Variants in HS3ST3B1 observed in about 807,000 individuals in gnomAD.
HS3ST3B1 encodes heparan sulfate-glucosamine 3-sulfotransferase 3B1, also known as heparan sulfate glucosamine 3-O-sulfotransferase 3B1.
In HS3ST3B1, 13 loss-of-function variants were observed where a neutral mutation model predicts 21.3. The observed-to-expected ratio is 0.61, with a 90% confidence interval of 0.40 to 0.97. The LOEUF (loss-of-function observed/expected upper bound fraction) is 0.97. Among genes scored for constraint, HS3ST3B1 ranks in the 50% least tolerant of loss-of-function variants. The probability of loss-of-function intolerance (pLI) is 0.00; values close to 1 mark genes in which losing one functional copy is unlikely to be tolerated. For synonymous variants in HS3ST3B1, 234 were observed against 254.8 expected, an observed-to-expected ratio of 0.92 and a Z score of 0.78; for missense variants, 459 against 554.8, an observed-to-expected ratio of 0.83 and a Z score of 1.73.
intron 1 of HS3ST3B1, among the ~76,000 whole-genome samples, chr17:14,307,449 T>C (rs1225437205): frequency 1.3e-5 from 2 of 151,976 alleles, no homozygotes; most frequent in African/African-American, 4.8e-5. Flanking sequence ...GAAAAGTCAA[T>C]ATGTCATATA....
intron 1 of HS3ST3B1, among the ~76,000 whole-genome samples, chr17:14,319,796 A>G (rs1193783400): frequency 1.3e-5 from 2 of 151,806 alleles, no homozygotes; most frequent in Admixed American, 1.3e-4. Flanking sequence ...TTTTATTTCA[A>G]TAGTTTTTGG....
At chr17:14,312,642 A>G (rs1004210336) in intron 1 of HS3ST3B1, among the ~76,000 whole-genome samples, 1 of 149,112 alleles carries the variant, frequency 6.7e-6, no homozygotes, top group African/African-American at 2.6e-5. Context: ...ACATCTGTGC[A>G]TTTGACTCCC....
At chr17:14,321,521 TGGGTC>T (rs1470779069) in intron 1 of HS3ST3B1, among the ~76,000 whole-genome samples, 1 of 152,182 alleles carries the variant, frequency 6.6e-6, no homozygotes, top group Non-Finnish European at 1.5e-5. Context: ...GGGATAGCCC[TGGGTC>T]GGTTCGTGAG....
intron 1 of HS3ST3B1, among the ~76,000 whole-genome samples, chr17:14,309,579 G>A (rs1040552801): frequency 4.6e-5 from 7 of 152,234 alleles, no homozygotes; most frequent in Non-Finnish European, 7.3e-5. Context: ...GCCGGTGTTG[G>A]CCTGGCTGTT....
chr17:14,328,491 T>C (rs1909885795), intron 1 of HS3ST3B1: 1 of 152,230 alleles, frequency 6.6e-6, no homozygotes, highest in Admixed American at 6.5e-5. Context: ...GTGTGGACTT[T>C]AATTGATGAT....
intron 1 of HS3ST3B1, among the ~76,000 whole-genome samples, chr17:14,342,858 T>G (rs1003451082): frequency 6.6e-6 from 1 of 152,228 alleles, no homozygotes; most frequent in Non-Finnish European, 1.5e-5. Context: ...TTTCATTTAA[T>G]TTTTTTCCTT....
chr17:14,307,053 TA>T (rs1410495209), intron 1 of HS3ST3B1, among the ~76,000 whole-genome samples: 1 of 152,192 alleles, frequency 6.6e-6, no homozygotes, highest in Non-Finnish European at 1.5e-5. Context: ...TGCTCTGAGT[TA>T]ATAAAATAGT....
chr17:14,318,524 C>T (rs1909566986), intron 1 of HS3ST3B1, among the ~76,000 whole-genome samples: 1 of 152,176 alleles, frequency 6.6e-6, no homozygotes, highest in Non-Finnish European at 1.5e-5. Context: ...AGGAACTCAG[C>T]TAAGTTTGGG....
intron 1 of HS3ST3B1, chr17:14,327,899 A>T (rs1157123083): frequency 6.6e-6 from 1 of 152,134 alleles, no homozygotes; most frequent in African/African-American, 2.4e-5. Flanking sequence ...GCAATTAAAG[A>T]TTTTGTTTTT....
chr17:14,334,497 C>T (rs953173301), intron 1 of HS3ST3B1, among the ~76,000 whole-genome samples: 6 of 152,062 alleles, frequency 3.9e-5, no homozygotes, highest in African/African-American at 1.2e-4. Context: ...AGATTACAGG[C>T]GTGCCAGCAC....
chr17:14,320,826 C>T (rs1411099206), intron 1 of HS3ST3B1, among the ~76,000 whole-genome samples: 1 of 152,148 alleles, frequency 6.6e-6, no homozygotes, highest in Non-Finnish European at 1.5e-5. Context: ...CCCCATTGGC[C>T]GCTCAGTTCC....
chr17:14,337,479 C>T (rs116922657), intron 1 of HS3ST3B1, among the ~76,000 whole-genome samples: 6,318 of 151,040 alleles, frequency 0.042, 314 homozygotes, highest in Admixed American at 0.14. Flanking sequence ...AGGAGCCCGC[C>T]ATCATGCCTG....
chr17:14,338,376 G>A (rs376367438), intron 1 of HS3ST3B1, among the ~76,000 whole-genome samples: 3 of 151,494 alleles, frequency 2.0e-5, no homozygotes, highest in Non-Finnish European at 2.9e-5. Context: ...TGCCCACCTT[G>A]GCCTCCCAAA....
chr17:14,341,572 G>T (rs1036403466), intron 1 of HS3ST3B1, among the ~76,000 whole-genome samples: 4 of 151,698 alleles, frequency 2.6e-5, no homozygotes, highest in Admixed American at 2.6e-4. Context: ...CTGCAGCATG[G>T]ACAGATTAAG....
intron 1 of HS3ST3B1, among the ~76,000 whole-genome samples, chr17:14,312,752 G>T (rs1909348130): frequency 6.6e-6 from 1 of 151,864 alleles, no homozygotes; most frequent in Non-Finnish European, 1.5e-5. Flanking sequence ...ACCACTCAGG[G>T]TCTCAGCTCT....
At chr17:14,314,772 T>G (rs1356065463) in intron 1 of HS3ST3B1, among the ~76,000 whole-genome samples, 1 of 152,222 alleles carries the variant, frequency 6.6e-6, no homozygotes, top group Non-Finnish European at 1.5e-5. Flanking sequence ...TGCCCCTTCC[T>G]GTCTCACACT....
In HS3ST3B1 at chr17:14,346,249, T is replaced by TTTC. The variant is rs1336702699; in HGVS notation, c.*605_*606insCTT. Reference sequence around the variant, plus strand: ...GGACATCCACATCCTTTTTTTTTCTTTTTTTTTTTTTTTTTTTTTTGAGAT... The same window carrying TTTC: ...GGACATCCACATCCTTTTTTTTTCTTTTCTTTTTTTTTTTTTTTTTTTTGAGAT... On this transcript the variant is annotated 3_prime_UTR_variant, in exon 2 of 2. Transcript: ENST00000360954. The TTTC allele has an allele frequency of 7.7e-5, 8 of 103,848 alleles. No individual in the cohort carries two copies. Among genetic ancestry groups the TTTC allele is most frequent in the Admixed American group, 2.0e-4 (2 of 10,092 alleles). The allele number at this position is 103,848 out of a possible 1,614,324, so 6.4% of individuals were successfully genotyped here. A position where few individuals can be genotyped will look rare whatever the true frequency, so the allele number is the denominator to read the frequency against.
intron 1 of HS3ST3B1, among the ~76,000 whole-genome samples, chr17:14,335,474 C>A (rs1567642894): frequency 6.6e-6 from 1 of 152,152 alleles, no homozygotes; most frequent in Non-Finnish European, 1.5e-5. Context: ...GAGGGTGGAT[C>A]AGTTGAGGTC....
chr17:14,301,985 T>G lies in HS3ST3B1; in HGVS notation c.467T>G (p.Phe156Cys), dbSNP rs1394158501. ...KKGGTRALLEFLRVHPDVRAV... is the reference protein window; with the variant it reads ...KKGGTRALLECLRVHPDVRAV... ...GGCGGCACGCGGGCGCTGCTGGAGT[T>G]TCTGCGCGTGCACCCCGACGTGCGC... The change falls in exon 1 of 2, where the codon TTT becomes TGT. Residue 156 changes from phenylalanine to cysteine, a missense_variant. By Grantham distance (205) the Phe-to-Cys change is radical (BLOSUM62 -2). This residue lies in a region of HS3ST3B1 where 317 missense variants were observed against 278.6 expected (regional missense o/e 1.14). Coordinates refer to ENST00000360954, the MANE Select transcript of HS3ST3B1 (RefSeq NM_006041.3). 4 of 1,609,728 alleles carry G rather than the reference T, an allele frequency of 2.5e-6. No homozygotes were observed. The highest frequency in any genetic ancestry group is 3.4e-6 in the Non-Finnish European group (4 of 1,178,954).
Sources: gnomAD v4.1 joint callset for allele counts (sites outside exome capture counted in the v4.1 genomes callset) on GRCh38, gnomAD v4.1.1 for gene constraint, gnomAD v4.1.1 regional missense constraint, MANE v1.5 for transcripts, NCBI Gene and HGNC (gene_info 2026-07-23, HGNC 2026-07-21) for gene names.